The following SYT9 variants were observed in gnomAD, a reference collection of about 807,000 sequenced individuals.
SYT9 encodes the protein synaptotagmin-9.
Under a neutral mutation model 48.4 loss-of-function variants are expected in SYT9, and 22 were observed. The ratio of observed to expected loss-of-function variants is 0.45; its 90% CI spans 0.32 to 0.65. The LOEUF (loss-of-function observed/expected upper bound fraction) is 0.65. Among genes scored for constraint, SYT9 ranks in the 30% least tolerant of loss-of-function variants. SYT9 has a pLI of 0.03. For synonymous variants in SYT9, 265 were observed against 245.0 expected, an observed-to-expected ratio of 1.08 and a Z score of -0.76; for missense variants, 577 against 622.0, an observed-to-expected ratio of 0.93 and a Z score of 0.77.
intron 3 of SYT9, among the ~76,000 whole-genome samples, chr11:7,393,814 G>C (rs1846688274): frequency 6.6e-6 from 1 of 151,806 alleles, no homozygotes; most frequent in South Asian, 2.1e-4. Context: ...TCCTGATTCA[G>C]TCTTGGGAGG....
At chr11:7,333,832 G>A (rs1284366474) in intron 3 of SYT9, among the ~76,000 whole-genome samples, 1 of 152,166 alleles carries the variant, frequency 6.6e-6, no homozygotes, top group East Asian at 1.9e-4. Context: ...GCAATGTATT[G>A]GACATCAAGC....
intron 6 of SYT9, among the ~76,000 whole-genome samples, chr11:7,458,680 G>A (rs1260436956): frequency 6.6e-6 from 1 of 152,148 alleles, no homozygotes; most frequent in Non-Finnish European, 1.5e-5. Flanking sequence ...CACGCTAAGG[G>A]AACGGCCAAT....
At chr11:7,319,192 C>T (rs199687480) in intron 3 of SYT9, among the ~76,000 whole-genome samples, 49 of 86,082 alleles carry the variant, frequency 5.7e-4, no homozygotes, top group East Asian at 8.9e-4. Flanking sequence ...TCTTCTTTTT[C>T]TTTTTTTTTT....
rs568593931 is a variant in SYT9 at position 7,354,846 on chromosome 11, T to C, written c.1044+40905T>C. Among the ~76,000 whole-genome samples the C allele has an allele frequency of 7.9e-5, 12 of 152,214 alleles. No individual in the cohort carries two copies. In the South Asian group the frequency reaches 1.7e-3, roughly 21 times the overall value. ...TATCACCTTCCCAAGCACAGTGATA[T>C]TGCCTTTCACACAGTGATGGCATTG... On this transcript the variant is annotated intron_variant, in intron 3 of 6. Transcript: ENST00000318881.
Position 7,284,882 on chromosome 11 carries a change from A to C in SYT9, c.146-18157A>C, listed in dbSNP as rs185088955. ...TATTCTTAGTGTCTTCAAAGACAAA[A>C]GTTTACCTCAGAGTACTTTAGTATG... is the stretch of plus-strand genomic sequence containing the variant. On this transcript the variant is annotated intron_variant, in intron 1 of 6. Coordinates refer to ENST00000318881, the MANE Select transcript of SYT9 (RefSeq NM_175733.4). Among the ~76,000 whole-genome samples the C allele has an allele frequency of 3.4e-3, 513 of 152,272 alleles. 2 individuals carry two copies. Among genetic ancestry groups the C allele is most frequent in the Non-Finnish European group, 6.1e-3 (414 of 68,022 alleles).
intron 3 of SYT9, among the ~76,000 whole-genome samples, chr11:7,407,229 T>A (rs1847033381): frequency 6.6e-6 from 1 of 152,108 alleles, no homozygotes. Context: ...CCCATTTGTT[T>A]ATTTTTTGTT....
chr11:7,411,957 ATTCT>A (rs1335960388), intron 3 of SYT9, among the ~76,000 whole-genome samples: 1 of 151,934 alleles, frequency 6.6e-6, no homozygotes, highest in Non-Finnish European at 1.5e-5. Context: ...AAGTTCTGAG[ATTCT>A]TTCTTCTGCT....
intron 3 of SYT9, among the ~76,000 whole-genome samples, chr11:7,386,922 G>T (rs1850672065): frequency 1.3e-5 from 2 of 152,230 alleles, no homozygotes; most frequent in Middle Eastern, 6.8e-3. Context: ...TGATAGACTG[G>T]ATTAAGAAAA....
intron 6 of SYT9, among the ~76,000 whole-genome samples, chr11:7,455,512 T>C (rs1360063489): frequency 2.6e-5 from 3 of 116,582 alleles, no homozygotes; most frequent in South Asian, 4.5e-4. Flanking sequence ...TTTTGTATTT[T>C]TTTTTTTTGT....
intron 1 of SYT9, among the ~76,000 whole-genome samples, chr11:7,270,183 T>C (rs1848268399): frequency 6.6e-6 from 1 of 152,236 alleles, no homozygotes. Flanking sequence ...ATGTTTATTC[T>C]TATTATATAA....
At chr11:7,384,526 T>A (rs978861268) in intron 3 of SYT9, among the ~76,000 whole-genome samples, 9 of 151,732 alleles carry the variant, frequency 5.9e-5, no homozygotes, top group African/African-American at 2.0e-4. Flanking sequence ...TATTGCTTTA[T>A]CTTCAAAATG....
chr11:7,428,057 A>C (rs1590021316), intron 6 of SYT9: 1 of 152,200 alleles, frequency 6.6e-6, no homozygotes, highest in South Asian at 2.1e-4. Flanking sequence ...GTAGAAAAAA[A>C]GAGAGAGAGA....
At chr11:7,403,543 C>A (rs1846939335) in intron 3 of SYT9, among the ~76,000 whole-genome samples, 1 of 149,096 alleles carries the variant, frequency 6.7e-6, no homozygotes, top group Admixed American at 6.6e-5. Flanking sequence ...CAAAGCAAGA[C>A]CTTGTCTCAA....
chr11:7,349,382 A>AACACACACACAC (rs71056799), intron 3 of SYT9, among the ~76,000 whole-genome samples: 9,450 of 148,128 alleles, frequency 0.064, 367 homozygotes, highest in Admixed American at 0.13. Context: ...AAAATATACA[A>AACACACACACAC]ACACACACAC....
Position 7,466,975 on chromosome 11 carries a change from G to A in SYT9, c.*175G>A. 1.3e-6 allele frequency: 1 copy of A among 746,100 alleles called. No homozygotes were observed. The highest frequency in any genetic ancestry group is 2.2e-6 in the Non-Finnish European group (1 of 450,492). The allele number at this position is 746,100 out of a possible 1,614,324, so 46.2% of individuals were successfully genotyped here. On this transcript the variant is annotated 3_prime_UTR_variant, in exon 7 of 7. Transcript: ENST00000318881. ...AGATTGGGTTTGGTGAACCTGAATG[G>A]TCCAGCCACCTTCTGCAGGTGGCCC...
chr11:7,413,821 C>G (rs1048287724), intron 3 of SYT9, among the ~76,000 whole-genome samples: 1 of 150,818 alleles, frequency 6.6e-6, no homozygotes, highest in Non-Finnish European at 1.5e-5. Context: ...TGTACTTGTA[C>G]TCCTGGGCCC....
intron 6 of SYT9, among the ~76,000 whole-genome samples, chr11:7,429,558 A>G (rs1313903961): frequency 3.3e-5 from 5 of 152,200 alleles, no homozygotes; most frequent in Non-Finnish European, 1.5e-5. Context: ...TTGGTTGTGT[A>G]AGCAATATTA....
At chr11:7,277,333 T>C (rs189640256) in intron 1 of SYT9, among the ~76,000 whole-genome samples, 371 of 152,322 alleles carry the variant, frequency 2.4e-3, no homozygotes, top group African/African-American at 8.3e-3. Context: ...CTGAAAAATA[T>C]TAGTGTAATC....
At chr11:7,245,409 T>G (rs990192602) in intron 1 of SYT9, among the ~76,000 whole-genome samples, 7 of 152,122 alleles carry the variant, frequency 4.6e-5, no homozygotes, top group Non-Finnish European at 8.8e-5. Flanking sequence ...GGCCTTTTTC[T>G]TTTCTTTTCT....
Sources: allele counts gnomAD v4.1 joint callset (sites outside exome capture counted in the v4.1 genomes callset), GRCh38; gene constraint gnomAD v4.1.1; transcripts MANE v1.5; gene names NCBI Gene and HGNC (gene_info 2026-07-23, HGNC 2026-07-21).